Variants in GAD2 observed in about 807,000 individuals in gnomAD.
The protein encoded by GAD2 is glutamate decarboxylase 2, also known as 65 kDa glutamic acid decarboxylase.
GAD2 carries 22 observed loss-of-function variants against 80.1 expected under a neutral mutation model. The ratio of observed to expected loss-of-function variants is 0.27; its 90% CI spans 0.20 to 0.39. The LOEUF (loss-of-function observed/expected upper bound fraction) is 0.39, where lower values mean the gene tolerates loss of function less well. Among genes scored for constraint, GAD2 ranks in the 10% least tolerant of loss-of-function variants. GAD2 has a pLI of 1.00. For synonymous variants in GAD2, 274 were observed against 256.9 expected, an observed-to-expected ratio of 1.07 and a Z score of -0.64; for missense variants, 624 against 738.4, an observed-to-expected ratio of 0.85 and a Z score of 1.80.
chr10:26,233,068 GGA>G (rs1844625802), intron 7 of GAD2, among the ~76,000 whole-genome samples: 1 of 152,068 alleles, frequency 6.6e-6, no homozygotes, highest in Admixed American at 6.5e-5. Flanking sequence ...TTGAAGATAT[GGA>G]ACTTTGATTC....
chr10:26,301,171 G>C lies in GAD2; in HGVS notation c.*210G>C. On this transcript the variant is annotated 3_prime_UTR_variant, in exon 16 of 16. Transcript: ENST00000376261. ...ACCTCTCTAAGAATTCGTGACAAAA[G>C]GCTATGTTCTAATCAATAAGGAAAA... 1 of 526,504 alleles carries C rather than the reference G, an allele frequency of 1.9e-6. No individual in the cohort carries two copies. Among genetic ancestry groups the C allele is most frequent in the Admixed American group, 3.2e-5 (1 of 31,740 alleles). 32.6% of individuals were successfully genotyped at this position (526,504 alleles called of 1,614,324 possible). A position where few individuals can be genotyped will look rare whatever the true frequency, so the allele number is the denominator to read the frequency against.
chr10:26,240,128 G>T (rs1844722300), intron 7 of GAD2, among the ~76,000 whole-genome samples: 1 of 152,218 alleles, frequency 6.6e-6, no homozygotes, highest in Non-Finnish European at 1.5e-5. Flanking sequence ...GGCATGCCAA[G>T]ATTCTAAACT....
chr10:26,289,195 C>G (rs1834186684), intron 13 of GAD2, among the ~76,000 whole-genome samples: 1 of 152,098 alleles, frequency 6.6e-6, no homozygotes, highest in Admixed American at 6.6e-5. Flanking sequence ...TCTAGCCACA[C>G]TGGCCAAGGA....
chr10:26,234,006 C>A (rs2132278919), intron 7 of GAD2, among the ~76,000 whole-genome samples: 1 of 152,216 alleles, frequency 6.6e-6, no homozygotes, highest in South Asian at 2.1e-4. Flanking sequence ...GAGAGCTCTG[C>A]ATAAATATCA....
At chr10:26,230,739 G>A (rs1844591094) in intron 7 of GAD2, among the ~76,000 whole-genome samples, 1 of 151,870 alleles carries the variant, frequency 6.6e-6, no homozygotes, top group East Asian at 1.9e-4. Flanking sequence ...TACCCAGCCT[G>A]AACCATTTAA....
intron 6 of GAD2, among the ~76,000 whole-genome samples, chr10:26,225,643 G>C (rs1347387556): frequency 6.6e-6 from 1 of 152,126 alleles, no homozygotes; most frequent in Admixed American, 6.6e-5. Context: ...GGGGAGAAAA[G>C]AAAAAGTGAA....
chr10:26,300,649 G>C, intron 15 of GAD2, 139 bp from the exon 16 acceptor site: 1 of 713,170 alleles, frequency 1.4e-6, no homozygotes, highest in Non-Finnish European at 2.4e-6. Context: ...AAGAAAACTT[G>C]GAGGTAACTC....
chr10:26,270,871 G>A (rs1589149447), intron 10 of GAD2, 115 bp downstream of exon 10: 1 of 774,632 alleles, frequency 1.3e-6, no homozygotes, highest in Non-Finnish European at 2.2e-6. Flanking sequence ...TTTCAGAGTG[G>A]TGATATTAAA....
At chr10:26,251,164 C>T (rs986021778) in intron 8 of GAD2, among the ~76,000 whole-genome samples, 14 of 151,268 alleles carry the variant, frequency 9.3e-5, no homozygotes, top group African/African-American at 3.2e-4. Context: ...TCCCAAAGTG[C>T]TAGGATTATA....
intron 8 of GAD2, among the ~76,000 whole-genome samples, chr10:26,263,989 C>G (rs1223023229): frequency 6.6e-6 from 1 of 152,142 alleles, no homozygotes; most frequent in East Asian, 1.9e-4. Context: ...TATCAGACAG[C>G]TCTAGATTTG....
intron 7 of GAD2, among the ~76,000 whole-genome samples, chr10:26,233,826 A>G (rs1844635530): frequency 1.3e-5 from 2 of 152,120 alleles, no homozygotes; most frequent in African/African-American, 4.8e-5. Context: ...GAGAAAGGAT[A>G]ATGGAGGGGC....
intron 10 of GAD2, among the ~76,000 whole-genome samples, chr10:26,271,095 T>C (rs375841161): frequency 6.6e-6 from 1 of 152,212 alleles, no homozygotes; most frequent in East Asian, 1.9e-4. Context: ...CTGCTGTTCC[T>C]CACTTACCAG....
At chr10:26,230,460 G>T (rs991428630) in intron 7 of GAD2, among the ~76,000 whole-genome samples, 1 of 151,286 alleles carries the variant, frequency 6.6e-6, no homozygotes, top group African/African-American at 2.5e-5. Context: ...AGACAATCTC[G>T]CTATGTCACC....
intron 11 of GAD2, among the ~76,000 whole-genome samples, chr10:26,275,070 C>T (rs1845183293): frequency 6.6e-6 from 1 of 152,214 alleles, no homozygotes; most frequent in South Asian, 2.1e-4. Flanking sequence ...GGCCTAATCC[C>T]TTTCCATCTT....
At chr10:26,300,114 G>A (rs991708457) in intron 15 of GAD2, among the ~76,000 whole-genome samples, 1 of 152,110 alleles carries the variant, frequency 6.6e-6, no homozygotes, top group African/African-American at 2.4e-5. Flanking sequence ...ATACAATAGA[G>A]AGCTACTGAG....
Position 26,217,349 on chromosome 10 carries a change from G to A in GAD2, c.77-261G>A, listed in dbSNP as rs1289040180. Among the ~76,000 whole-genome samples the A allele has an allele frequency of 1.3e-5, 2 of 152,218 alleles. No homozygotes were observed. Among genetic ancestry groups the A allele is most frequent in the Non-Finnish European group, 2.9e-5 (2 of 68,036 alleles). On this transcript the variant is annotated intron_variant, in intron 1 of 15. Coordinates refer to ENST00000376261, the MANE Select transcript of GAD2 (RefSeq NM_001134366.2). The surrounding 1 kb of genome is among the most constrained non-coding windows in gnomAD (Gnocchi z 4.9). ...GGTAGGCAGGGAGAGGAATTTGCCTGAGCCGATTGGCACCTGGAAGGGCAG... is the reference window on the plus strand; with the variant it reads ...GGTAGGCAGGGAGAGGAATTTGCCTAAGCCGATTGGCACCTGGAAGGGCAG...
In GAD2 at chr10:26,303,575, C is replaced by T. The variant is rs1834351939; in HGVS notation, c.*2614C>T. The T allele has an allele frequency of 6.6e-6, 1 of 151,642 alleles. No individual in the cohort carries two copies. The highest frequency in any genetic ancestry group is 1.5e-5 in the Non-Finnish European group (1 of 67,922). The allele number at this position is 151,642 out of a possible 1,614,324, so 9.4% of individuals were successfully genotyped here. On this transcript the variant is annotated 3_prime_UTR_variant, in exon 16 of 16. Coordinates refer to ENST00000376261, the MANE Select transcript of GAD2 (RefSeq NM_001134366.2). ...CCAGTGCCATGGTCTTTATGTGTGCCCATTCTTTACAAATCTTAGAAAAGT... is the reference window on the plus strand; with the variant it reads ...CCAGTGCCATGGTCTTTATGTGTGCTCATTCTTTACAAATCTTAGAAAAGT...
Position 26,245,917 on chromosome 10 carries a change from A to G in GAD2, c.841-4A>G. On this transcript the variant is annotated splice_region_variant and splice_polypyrimidine_tract_variant and intron_variant, in intron 7 of 15. Coordinates refer to ENST00000376261, the MANE Select transcript of GAD2 (RefSeq NM_001134366.2). Reference sequence around the variant, plus strand: ...AATTGCAAATATATATATTTTTTTTACAGAGTCATTTTTCTCTCAAGAAGG... The same window carrying G: ...AATTGCAAATATATATATTTTTTTTGCAGAGTCATTTTTCTCTCAAGAAGG... 2 of 1,607,860 alleles carry G rather than the reference A, an allele frequency of 1.2e-6. No homozygotes were observed. Among genetic ancestry groups the G allele is most frequent in the Non-Finnish European group, 1.7e-6 (2 of 1,174,886 alleles).
intron 8 of GAD2, among the ~76,000 whole-genome samples, chr10:26,252,742 TC>T (rs1256799780): frequency 6.6e-6 from 1 of 151,886 alleles, no homozygotes; most frequent in Non-Finnish European, 1.5e-5. Flanking sequence ...CACTACAACC[TC>T]TGCCTCCAGG....
Sources: gnomAD v4.1 joint callset for allele counts (sites outside exome capture counted in the v4.1 genomes callset) on GRCh38, gnomAD v4.1.1 for gene constraint, Gnocchi (gnomAD v3.1) non-coding constraint, MANE v1.5 for transcripts, NCBI Gene and HGNC (gene_info 2026-07-23, HGNC 2026-07-21) for gene names.